Variants in DNAJC15 observed in about 807,000 individuals in gnomAD.
DNAJC15 encodes dnaJ homolog subfamily C member 15.
DNAJC15 carries 27 observed loss-of-function variants against 22.4 expected under a neutral mutation model. The observed-to-expected ratio is 1.20, with a 90% CI of 0.89 to 1.66. The LOEUF is 1.66. DNAJC15 is among the 40% of genes most tolerant of loss of function. The pLI is 0.00. For missense variants in DNAJC15, 208 were observed against 187.1 expected (o/e 1.11, Z -0.65); for synonymous variants, 79 against 63.2 (o/e 1.25, Z -1.19).
chr13:43,078,228 CTGT>C (rs986954153), intron 3 of DNAJC15, among the ~76,000 whole-genome samples: 1 of 152,178 alleles, frequency 6.6e-6, no homozygotes. Flanking sequence ...TCCCCATTCT[CTGT>C]TGGCTAGTGT....
At chr13:43,067,143 A>G (rs957192428) in intron 2 of DNAJC15, among the ~76,000 whole-genome samples, 1 of 152,246 alleles carries the variant, frequency 6.6e-6, no homozygotes, top group Non-Finnish European at 1.5e-5. Context: ...CATTTTGGCT[A>G]TATAGAGTTT....
intron 1 of DNAJC15, among the ~76,000 whole-genome samples, chr13:43,056,673 T>C (rs2040533188): frequency 6.6e-6 from 1 of 152,186 alleles, no homozygotes; most frequent in African/African-American, 2.4e-5. Context: ...TTCTTAGGTC[T>C]AATAGTAAAT....
At chr13:43,051,004 C>CA (rs1266727269) in intron 1 of DNAJC15, among the ~76,000 whole-genome samples, 2 of 152,098 alleles carry the variant, frequency 1.3e-5, no homozygotes, top group African/African-American at 2.4e-5. Flanking sequence ...GACTAAGTCT[C>CA]ACTGTTGCCG....
intron 4 of DNAJC15, among the ~76,000 whole-genome samples, chr13:43,079,704 GA>G (rs1189428114): frequency 4.6e-5 from 7 of 152,246 alleles, no homozygotes; most frequent in Admixed American, 1.3e-4. Context: ...CTTGAAATCT[GA>G]GTATAAAACA....
In DNAJC15 at chr13:43,109,653, A is replaced by T. The variant is rs931020845; in HGVS notation, c.*2405A>T. 1.3e-5 allele frequency: 2 copies of T among 152,056 alleles called. No homozygotes were observed. Among genetic ancestry groups the T allele is most frequent in the African/African-American group, 4.8e-5 (2 of 41,402 alleles). The allele number at this position is 152,056 out of a possible 1,614,324, so 9.4% of individuals were successfully genotyped here. On this transcript the variant is annotated 3_prime_UTR_variant, in exon 6 of 6. Coordinates refer to ENST00000379221, the MANE Select transcript of DNAJC15 (RefSeq NM_013238.3). The stretch of plus-strand genomic sequence containing the variant: ...ATCTTGGGCAGTTACTTAATTTTCT[A>T]GTCAATAACCCGTATCTATAAAATA...
At chr13:43,024,054 A>G (rs1206018643) in intron 1 of DNAJC15, among the ~76,000 whole-genome samples, 1 of 152,192 alleles carries the variant, frequency 6.6e-6, no homozygotes, top group Non-Finnish European at 1.5e-5. Context: ...AGGCCCTAAA[A>G]ACGTCTTGCA....
intron 1 of DNAJC15, among the ~76,000 whole-genome samples, chr13:43,038,801 G>GAAAAAAAAAAAAAA (rs562632739): frequency 9.3e-6 from 1 of 107,302 alleles, no homozygotes; most frequent in Non-Finnish European, 2.0e-5. Flanking sequence ...CAAAAAATAG[G>GAAAAAAAAAAAAAA]AAAAAAAAAA....
intron 2 of DNAJC15, among the ~76,000 whole-genome samples, chr13:43,066,308 A>G (rs983562625): frequency 1.5e-4 from 23 of 150,644 alleles, no homozygotes; most frequent in African/African-American, 5.1e-4. Context: ...GGCTCTGGGG[A>G]GAAGCCCTTT....
chr13:43,050,215 C>T (rs1020678649), intron 1 of DNAJC15, among the ~76,000 whole-genome samples: 4 of 152,254 alleles, frequency 2.6e-5, no homozygotes, highest in Admixed American at 6.5e-5. Context: ...CCACTCTGCC[C>T]GGCCAGTTTT....
At chr13:43,056,484 A>G (rs1429450441) in intron 1 of DNAJC15, among the ~76,000 whole-genome samples, 1 of 152,168 alleles carries the variant, frequency 6.6e-6, no homozygotes. Context: ...TGATGAATAG[A>G]ATGTATATTC....
chr13:43,049,607 TA>T (rs1430307228), intron 1 of DNAJC15, among the ~76,000 whole-genome samples: 4 of 152,246 alleles, frequency 2.6e-5, no homozygotes, highest in Non-Finnish European at 4.4e-5. Flanking sequence ...ATTTTATTTT[TA>T]AAATTAAAGC....
chr13:43,038,493 T>C (rs1266616485), intron 1 of DNAJC15, among the ~76,000 whole-genome samples: 1 of 152,148 alleles, frequency 6.6e-6, no homozygotes, highest in East Asian at 1.9e-4. Flanking sequence ...ATAGGAGTAT[T>C]AAAAATACGA....
intron 1 of DNAJC15, among the ~76,000 whole-genome samples, chr13:43,024,340 T>G (rs1433265755): frequency 2.8e-5 from 2 of 71,724 alleles, no homozygotes; most frequent in Non-Finnish European, 5.7e-5. Flanking sequence ...TTTTTACGTT[T>G]TTTTTTTTTT....
intron 1 of DNAJC15, among the ~76,000 whole-genome samples, chr13:43,032,974 C>CA (rs1262319712): frequency 3.3e-5 from 5 of 152,208 alleles, no homozygotes; most frequent in Admixed American, 2.0e-4. Context: ...TGGCAGAAGA[C>CA]AGAGTGGGAG....
At chr13:43,093,722 A>G (rs764943523) in intron 5 of DNAJC15, among the ~76,000 whole-genome samples, 56 of 152,208 alleles carry the variant, frequency 3.7e-4, no homozygotes, top group Non-Finnish European at 7.2e-4. Context: ...CCTAAAACTG[A>G]GAAAGTTTAA....
chr13:43,107,303 A>C lies in DNAJC15; in HGVS notation c.*55A>C, dbSNP rs1351330533. ...AAGAGGGGACTTCGAAAAAAAAAAAAGCCCTGCAAAATATTCTAAAACATG... is the reference window on the plus strand; with the variant it reads ...AAGAGGGGACTTCGAAAAAAAAAAACGCCCTGCAAAATATTCTAAAACATG... On this transcript the variant is annotated 3_prime_UTR_variant, in exon 6 of 6. Coordinates refer to ENST00000379221, the MANE Select transcript of DNAJC15 (RefSeq NM_013238.3). 6.3e-6 allele frequency: 9 copies of C among 1,422,772 alleles called. No homozygotes were observed. The Admixed American group carries it at 8.5e-5, about 13-fold the overall frequency. The allele number at this position is 1,422,772 out of a possible 1,614,324, so 88.1% of individuals were successfully genotyped here.
At position 43,107,415 on chromosome 13, in the gene DNAJC15, T is replaced by C; in HGVS notation, c.*167T>C. On this transcript the variant is annotated 3_prime_UTR_variant, in exon 6 of 6. Coordinates refer to ENST00000379221, the MANE Select transcript of DNAJC15 (RefSeq NM_013238.3). ...CAATAAAATGTTAATAGTCTTGCTTTTTATTATCTTTTAAAGATCTCCTTA... is the reference window on the plus strand; with the variant it reads ...CAATAAAATGTTAATAGTCTTGCTTCTTATTATCTTTTAAAGATCTCCTTA... 2.2e-6 allele frequency: 1 copy of C among 447,352 alleles called. No homozygotes were observed. The highest frequency in any genetic ancestry group is 3.9e-6 in the Non-Finnish European group (1 of 259,154). The allele number at this position is 447,352 out of a possible 1,614,324, so 27.7% of individuals were successfully genotyped here.
At chr13:43,097,294 T>C (rs926611883) in intron 5 of DNAJC15, among the ~76,000 whole-genome samples, 1 of 152,122 alleles carries the variant, frequency 6.6e-6, no homozygotes, top group African/African-American at 2.4e-5. Context: ...AAACACCAAG[T>C]GCATAGGTCC....
At chr13:43,073,996 A>T (rs2040621092) in intron 3 of DNAJC15, among the ~76,000 whole-genome samples, 1 of 151,068 alleles carries the variant, frequency 6.6e-6, no homozygotes, top group Non-Finnish European at 1.5e-5. Flanking sequence ...TCTATTTGTG[A>T]ATCTGTCCTT....
Sources: allele counts gnomAD v4.1 joint callset (sites outside exome capture counted in the v4.1 genomes callset), GRCh38; gene constraint gnomAD v4.1.1; transcripts MANE v1.5; gene names NCBI Gene and HGNC (gene_info 2026-07-23, HGNC 2026-07-21).